ETHE1: variants seen among roughly 807,000 people sequenced by gnomAD.
The protein encoded by ETHE1 is persulfide dioxygenase ETHE1, mitochondrial.
In ETHE1, 16 loss-of-function variants were observed where a neutral mutation model predicts 25.7. The ratio of observed to expected loss-of-function variants is 0.62; its 90% CI spans 0.42 to 0.95. ETHE1 has a LOEUF of 0.95. Among genes scored for constraint, ETHE1 ranks in the 40% least tolerant of loss-of-function variants. The pLI is 0.00. For missense variants in ETHE1, 300 were observed against 333.6 expected (o/e 0.90, Z 0.79); for synonymous variants, 139 against 135.9 (o/e 1.02, Z -0.16).
Position 43,526,619 on chromosome 19 carries a change from C to T in ETHE1, c.122G>A (p.Gly41Asp). The change falls in exon 2 of 7, where the codon GGT (glycine) becomes GAT (aspartate). Residue 41 changes from glycine (G) to aspartate (D), a missense_variant. Physicochemically the swap from Gly to Asp is moderately conservative, Grantham distance 94 (BLOSUM62 -1). Coordinates refer to ENST00000292147, the MANE Select transcript of ETHE1 (RefSeq NM_014297.5). The part of the protein sequence containing the change: ...PVSCTFTYLL[G>D]DRESREAVLI... ...AACGGCCTCCCGGGACTCTCTGTCA[C>T]CCAGCAGGTACGTGAAGGTGCAGCT... 1 of 1,614,110 alleles carries T rather than the reference C, an allele frequency of 6.2e-7. No individual in the cohort carries two copies. Among genetic ancestry groups the T allele is most frequent in the Non-Finnish European group, 8.5e-7 (1 of 1,180,012 alleles).
chr19:43,508,726 C>T (rs780067433), intron 5 of ETHE1, 49 bp downstream of exon 5: 1 of 1,401,592 alleles, frequency 7.1e-7, no homozygotes, highest in Non-Finnish European at 9.9e-7. Flanking sequence ...GATTTACACT[C>T]CACTTTCAAA....
rs773169526 is a variant in ETHE1 at position 43,527,152 on chromosome 19, G to A, written c.26C>T (p.Ala9Val). 7 of 1,545,978 alleles carry A rather than the reference G, an allele frequency of 4.5e-6. No homozygotes were observed. The highest frequency in any genetic ancestry group is 2.4e-5 in the East Asian group (1 of 41,228). ...GCCGCGCTGGCTCAGCTGCCGCCGGGCGACCCTCAGTACAGCCTCCGCCAT... is the reference window on the plus strand; with the variant it reads ...GCCGCGCTGGCTCAGCTGCCGCCGGACGACCCTCAGTACAGCCTCCGCCAT... MAEAVLRV[A>V]RRQLSQRGGS... Residue 9 changes from alanine to valine, a missense_variant, in exon 1 of 7, where the codon GCC becomes GTC. Ala to Val is a moderately conservative substitution (Grantham distance 64). Coordinates refer to ENST00000292147, the MANE Select transcript of ETHE1 (RefSeq NM_014297.5).
intron 3 of ETHE1, chr19:43,525,460 A>T (rs1305437256): frequency 6.6e-6 from 1 of 152,266 alleles, no homozygotes; most frequent in Non-Finnish European, 1.5e-5. Context: ...AAACTTTATT[A>T]TACATCTTTA....
At chr19:43,515,979 T>C (rs1195004029) in intron 3 of ETHE1, among the ~76,000 whole-genome samples, 1 of 152,190 alleles carries the variant, frequency 6.6e-6, no homozygotes. Context: ...GTAGGGATAA[T>C]TCATGTCCTG....
intron 3 of ETHE1, among the ~76,000 whole-genome samples, chr19:43,518,528 C>T (rs979984384): frequency 3.3e-5 from 5 of 151,556 alleles, no homozygotes; most frequent in Admixed American, 1.3e-4. Flanking sequence ...GGGCGGATCA[C>T]GAGGTCAGGA....
chr19:43,510,862 G>C (rs1971900951), intron 4 of ETHE1, among the ~76,000 whole-genome samples: 1 of 152,030 alleles, frequency 6.6e-6, no homozygotes, highest in South Asian at 2.1e-4. Context: ...GGTGAGCGGT[G>C]GGTGAGTGAG....
Position 43,526,567 on chromosome 19 carries a change from C to A in ETHE1, c.174G>T (p.Ala58=), listed in dbSNP as rs774616694. The A allele has an allele frequency of 5.9e-5, 95 of 1,613,912 alleles. No individual in the cohort carries two copies. Among genetic ancestry groups the A allele is most frequent in the Non-Finnish European group, 7.8e-5 (92 of 1,179,978 alleles). Reference sequence around the variant, plus strand: ...CCTTGATCAGCTGGGCATCCCGAGGCGCTGTTTCCAGGACTGGGTCGATCA... The same window carrying A: ...CCTTGATCAGCTGGGCATCCCGAGGAGCTGTTTCCAGGACTGGGTCGATCA... ...AVLIDPVLET[A]PRDAQLIKEL... The change falls in exon 2 of 7, where the codon GCG becomes GCT. Residue 58 remains alanine (A), a synonymous_variant. Transcript: ENST00000292147.
At position 43,527,189 on chromosome 19, in the gene ETHE1, C is replaced by T. The variant is rs754252110; in HGVS notation, c.-12G>A. The T allele has an allele frequency of 6.5e-7, 1 of 1,536,204 alleles. No individual in the cohort carries two copies. Among genetic ancestry groups the T allele is most frequent in the South Asian group, 1.2e-5 (1 of 83,982 alleles). Reference sequence around the variant, plus strand: ...ACAGCCTCCGCCATCGCGCCCACTGCGGGGTCAGGAATGAGCGGAGGCCGA... The same window carrying T: ...ACAGCCTCCGCCATCGCGCCCACTGTGGGGTCAGGAATGAGCGGAGGCCGA... On this transcript the variant is annotated 5_prime_UTR_variant, in exon 1 of 7. Coordinates refer to ENST00000292147, the MANE Select transcript of ETHE1 (RefSeq NM_014297.5).
intron 4 of ETHE1, among the ~76,000 whole-genome samples, chr19:43,510,658 A>G (rs1421023977): frequency 6.9e-6 from 1 of 145,110 alleles, no homozygotes; most frequent in Non-Finnish European, 1.5e-5. Flanking sequence ...TTTTTTAGCT[A>G]TATTTGTTTC....
At chr19:43,507,236 GT>G (rs1971794015) in intron 6 of ETHE1, among the ~76,000 whole-genome samples, 2 of 94,384 alleles carry the variant, frequency 2.1e-5, no homozygotes, top group African/African-American at 4.5e-5. Context: ...CAGGAGTCCA[GT>G]CCCCCAGCCC....
At chr19:43,525,215 A>T (rs1438154614) in intron 3 of ETHE1, among the ~76,000 whole-genome samples, 2 of 152,128 alleles carry the variant, frequency 1.3e-5, no homozygotes, top group Admixed American at 6.5e-5. Context: ...ATTTCAAGAC[A>T]TGTTTGTTAG....
Position 43,506,764 on chromosome 19 carries a change from G to T in ETHE1, c.*86C>A. On this transcript the variant is annotated 3_prime_UTR_variant, in exon 7 of 7. Transcript: ENST00000292147. Reference sequence around the variant, plus strand: ...TTTAGGGAGCTCCAGGGAATGCGGTGGGAAAGGAGAGGTGCAGTGTCATTG... The same window carrying T: ...TTTAGGGAGCTCCAGGGAATGCGGTTGGAAAGGAGAGGTGCAGTGTCATTG... The T allele has an allele frequency of 7.9e-7, 1 of 1,262,492 alleles. No individual in the cohort carries two copies. Among genetic ancestry groups the T allele is most frequent in the Non-Finnish European group, 1.2e-6 (1 of 862,856 alleles). The allele number at this position is 1,262,492 out of a possible 1,614,324, so 78.2% of individuals were successfully genotyped here. A position where few individuals can be genotyped will look rare whatever the true frequency, so the allele number is the denominator to read the frequency against.
At chr19:43,524,389 T>TA (rs771352458) in intron 3 of ETHE1, among the ~76,000 whole-genome samples, 939 of 83,090 alleles carry the variant, frequency 0.011, 9 homozygotes, top group African/African-American at 0.034. Context: ...TGTCTCAAAT[T>TA]AAAAAAAAAA....
At chr19:43,523,334 G>A (rs1259938815) in intron 3 of ETHE1, among the ~76,000 whole-genome samples, 5 of 152,026 alleles carry the variant, frequency 3.3e-5, no homozygotes, top group Admixed American at 3.3e-4. Flanking sequence ...GCAGTGGTGC[G>A]ATCTTGGCTC....
At chr19:43,512,767 GA>G (rs34659055) in intron 3 of ETHE1, among the ~76,000 whole-genome samples, 4 of 152,082 alleles carry the variant, frequency 2.6e-5, no homozygotes, top group African/African-American at 9.7e-5. Context: ...ATTTTCTGAG[GA>G]AAAATTCAAG....
intron 4 of ETHE1, 57 bp downstream of exon 4, chr19:43,511,380 C>A (rs949305046): frequency 6.2e-7 from 1 of 1,612,782 alleles, no homozygotes; most frequent in Admixed American, 1.7e-5. Context: ...GATACTTCAA[C>A]ACTTGACACA....
chr19:43,522,709 GACCTCAGGTGATCTACCC>G (rs1972160615), intron 3 of ETHE1, among the ~76,000 whole-genome samples: 1 of 152,122 alleles, frequency 6.6e-6, no homozygotes, highest in African/African-American at 2.4e-5. Flanking sequence ...TCGAACTCCT[GACCTCAGGTGATCTACCC>G]ACCTCAGCTT....
intron 3 of ETHE1, among the ~76,000 whole-genome samples, chr19:43,516,737 T>C (rs1052119298): frequency 1.3e-5 from 2 of 151,476 alleles, no homozygotes; most frequent in Admixed American, 1.3e-4. Context: ...GTGATTCTTG[T>C]GTCTCAGCCT....
intron 1 of ETHE1, 100 bp downstream of exon 1, chr19:43,526,997 G>A (rs1428696853): frequency 1.3e-6 from 2 of 1,535,048 alleles, no homozygotes; most frequent in Non-Finnish European, 1.7e-6. Context: ...AGATGCAGGC[G>A]TGGGTCCCCC....
Sources: gnomAD v4.1 joint callset for allele counts (sites outside exome capture counted in the v4.1 genomes callset) on GRCh38, gnomAD v4.1.1 for gene constraint, MANE v1.5 for transcripts, NCBI Gene and HGNC (gene_info 2026-07-23, HGNC 2026-07-21) for gene names.